The following ADAMTSL1 variants were observed in gnomAD, a reference collection of about 807,000 sequenced individuals.
The protein encoded by ADAMTSL1 is ADAMTS like 1.
Under a neutral mutation model 201.8 loss-of-function variants are expected in ADAMTSL1, and 126 were observed. The ratio of observed to expected loss-of-function variants is 0.62; its 90% CI spans 0.54 to 0.72. The LOEUF (loss-of-function observed/expected upper bound fraction) is 0.72. Among genes scored for constraint, ADAMTSL1 ranks in the 30% least tolerant of loss-of-function variants. The pLI is 0.00. For missense variants in ADAMTSL1, 2,679 were observed against 2,277.8 expected (o/e 1.18, Z -3.59); for synonymous variants, 1,121 against 903.4 (o/e 1.24, Z -4.32).
At chr9:18,471,428 A>G (rs1038954985), upstream of ADAMTSL1, among the ~76,000 whole-genome samples, 1 of 152,206 alleles carries the variant, frequency 6.6e-6, no homozygotes, top group African/African-American at 2.4e-5. Flanking sequence ...TGGGGTGATT[A>G]CTTAATTTCA....
At chr9:18,709,830 G>A (rs1278928753) in intron 14 of ADAMTSL1, among the ~76,000 whole-genome samples, 1 of 152,152 alleles carries the variant, frequency 6.6e-6, no homozygotes, top group African/African-American at 2.4e-5. Context: ...CTAGCTGGGG[G>A]AATACTTGAC....
intron 13 of ADAMTSL1, among the ~76,000 whole-genome samples, chr9:18,695,577 A>AGTTCAAG (rs1831502239): frequency 6.6e-6 from 1 of 152,162 alleles, no homozygotes; most frequent in Non-Finnish European, 1.5e-5. Context: ...ATCACTTTCA[A>AGTTCAAG]GTTCAAGGTT....
intron 2 of ADAMTSL1, among the ~76,000 whole-genome samples, chr9:18,258,288 C>A (rs1310169024): frequency 3.3e-5 from 5 of 151,962 alleles, no homozygotes; most frequent in Non-Finnish European, 5.9e-5. Context: ...AGAAAAAGAT[C>A]AATGAAAAGG....
At chr9:17,943,307 T>C (rs1333081282) in intron 1 of ADAMTSL1, among the ~76,000 whole-genome samples, 1 of 152,124 alleles carries the variant, frequency 6.6e-6, no homozygotes, top group African/African-American at 2.4e-5. Flanking sequence ...GCTTATTCCT[T>C]AAAGATTAAC....
At chr9:18,748,315 T>C (rs1819260992) in intron 15 of ADAMTSL1, among the ~76,000 whole-genome samples, 1 of 152,188 alleles carries the variant, frequency 6.6e-6, no homozygotes, top group African/African-American at 2.4e-5. Flanking sequence ...ACACAATCCT[T>C]TAGCCAAAAC....
At chr9:18,227,011 A>G (rs1830453838) in intron 2 of ADAMTSL1, among the ~76,000 whole-genome samples, 1 of 152,140 alleles carries the variant, frequency 6.6e-6, no homozygotes, top group Non-Finnish European at 1.5e-5. Context: ...ATTCTAGCCC[A>G]GTTAGATTTC....
intron 2 of ADAMTSL1, among the ~76,000 whole-genome samples, chr9:18,392,071 G>T (rs185692278): frequency 3.3e-5 from 5 of 151,914 alleles, no homozygotes; most frequent in Admixed American, 2.6e-4. Context: ...TGATCCGCCC[G>T]CCTCGGCCTC....
intron 2 of ADAMTSL1, among the ~76,000 whole-genome samples, chr9:18,287,779 T>A (rs996166928): frequency 1.4e-5 from 2 of 147,336 alleles, no homozygotes; most frequent in African/African-American, 4.9e-5. Context: ...ATATATATAG[T>A]CTTCCAGTTG....
At chr9:17,967,645 C>T (rs960321569) in intron 1 of ADAMTSL1, among the ~76,000 whole-genome samples, 2 of 151,986 alleles carry the variant, frequency 1.3e-5, no homozygotes, top group Non-Finnish European at 2.9e-5. Context: ...TTTTGTCATC[C>T]TACTTTATCT....
chr9:18,104,271 A>C (rs1824658490), intron 1 of ADAMTSL1, among the ~76,000 whole-genome samples: 1 of 152,134 alleles, frequency 6.6e-6, no homozygotes, highest in Non-Finnish European at 1.5e-5. Flanking sequence ...TGTAGTCGCA[A>C]TCCCGTTTTT....
At chr9:18,165,849 T>C (rs891472523) in intron 2 of ADAMTSL1, among the ~76,000 whole-genome samples, 7 of 152,024 alleles carry the variant, frequency 4.6e-5, no homozygotes, top group Middle Eastern at 3.4e-3. Context: ...TAAATCAACA[T>C]TAGAAGATGA....
intron 2 of ADAMTSL1, among the ~76,000 whole-genome samples, chr9:18,228,563 G>A (rs558082448): frequency 1.3e-5 from 2 of 152,186 alleles, no homozygotes; most frequent in South Asian, 4.1e-4. Flanking sequence ...GGAACTACAG[G>A]CATGCACCAC....
rs567886364 is a variant in ADAMTSL1, at chr9:18,896,062, TAAAC to T, written c.4851+3472_4851+3475del. Among the ~76,000 whole-genome samples, 659 of 152,032 alleles carry T rather than the reference TAAAC, an allele frequency of 4.3e-3. 5 individuals are homozygous for T. The highest frequency in any genetic ancestry group is 0.015 in the African/African-American group (615 of 41,458). ...ATAGGCCAATAAAAATAGAAGAAAA[TAAAC>T]AAACAGAGTCTAAAAGAGTTGTGAG... On this transcript the variant is annotated intron_variant, in intron 26 of 28. Transcript: ENST00000380548.
At chr9:18,139,957 G>C (rs745987022) in intron 1 of ADAMTSL1, among the ~76,000 whole-genome samples, 25 of 152,122 alleles carry the variant, frequency 1.6e-4, no homozygotes, top group Non-Finnish European at 3.4e-4. Context: ...TTTAGAGGAT[G>C]CTAATGATCT....
chr9:18,596,632 C>T (rs1016764235), intron 4 of ADAMTSL1, among the ~76,000 whole-genome samples: 3 of 152,118 alleles, frequency 2.0e-5, no homozygotes, highest in South Asian at 2.1e-4. Context: ...ACCTTTAATC[C>T]TTGTGTGAAC....
intron 2 of ADAMTSL1, among the ~76,000 whole-genome samples, chr9:18,440,713 T>C (rs1459934750): frequency 6.6e-6 from 1 of 151,898 alleles, no homozygotes; most frequent in Non-Finnish European, 1.5e-5. Flanking sequence ...TTTGAAGAGA[T>C]GGTCATATTT....
chr9:18,634,015 T>C (rs561653643), intron 5 of ADAMTSL1, among the ~76,000 whole-genome samples: 1 of 152,272 alleles, frequency 6.6e-6, no homozygotes, highest in African/African-American at 2.4e-5. Flanking sequence ...CATCCCTATA[T>C]CTAGATTCAT....
chr9:18,400,556 G>T (rs549019541), intron 2 of ADAMTSL1, among the ~76,000 whole-genome samples: 101 of 152,032 alleles, frequency 6.6e-4, no homozygotes, highest in Non-Finnish European at 1.1e-3. Context: ...ATTTTATTTT[G>T]TACTTTTCAT....
At chr9:18,718,324 C>A (rs1833095908) in intron 14 of ADAMTSL1, 4 of 740,914 alleles carry the variant, frequency 5.4e-6, no homozygotes, top group Non-Finnish European at 1.0e-5. Context: ...ATGTACAAAT[C>A]CCTCCTTGCT....
Sources: allele counts gnomAD v4.1 joint callset (sites outside exome capture counted in the v4.1 genomes callset), GRCh38; gene constraint gnomAD v4.1.1; transcripts MANE v1.5; gene names NCBI Gene and HGNC (gene_info 2026-07-23, HGNC 2026-07-21).